MARCHF1: variants seen among roughly 807,000 people sequenced by gnomAD.
MARCHF1 encodes the protein membrane associated ring-CH-type finger 1, also known as E3 ubiquitin-protein ligase MARCHF1.
In MARCHF1, 40 loss-of-function variants were observed where a neutral mutation model predicts 54.2. The ratio of observed to expected loss-of-function variants is 0.74; its 90% CI spans 0.57 to 0.96. The LOEUF (loss-of-function observed/expected upper bound fraction) is 0.96. Among genes scored for constraint, MARCHF1 ranks in the 40% least tolerant of loss-of-function variants. The probability of loss-of-function intolerance (pLI) is 0.00; values close to 1 mark genes in which losing one functional copy is unlikely to be tolerated. For synonymous variants in MARCHF1, 236 were observed against 236.3 expected (o/e 1.00, Z 0.01); for missense variants, 586 against 656.5 (o/e 0.89, Z 1.17).
chr4:163,957,693 T>G (rs1752257665), intron 3 of MARCHF1, among the ~76,000 whole-genome samples: 1 of 151,998 alleles, frequency 6.6e-6, no homozygotes, highest in South Asian at 2.1e-4. Flanking sequence ...TCATGGAATT[T>G]CTCACGCCAA....
intron 4 of MARCHF1, among the ~76,000 whole-genome samples, chr4:163,784,591 G>A (rs760031196): frequency 4.6e-5 from 7 of 151,568 alleles, no homozygotes; most frequent in Non-Finnish European, 8.8e-5. Context: ...CAGTAGATCT[G>A]TTTCTACCTA....
chr4:164,222,141 G>T (rs1342781557), intron 1 of MARCHF1, among the ~76,000 whole-genome samples: 2 of 151,588 alleles, frequency 1.3e-5, no homozygotes, highest in Admixed American at 1.3e-4. Flanking sequence ...CTACTAGGTG[G>T]GTACGCTTTC....
intron 3 of MARCHF1, among the ~76,000 whole-genome samples, chr4:163,931,806 A>G (rs1751683375): frequency 6.6e-6 from 1 of 151,824 alleles, no homozygotes; most frequent in Non-Finnish European, 1.5e-5. Context: ...CTGAACTAAA[A>G]CCTCTCCCTC....
In MARCHF1 at chr4:164,068,842, T is replaced by A. The variant is rs190911909; in HGVS notation, c.-248+42746A>T. Among the ~76,000 whole-genome samples the A allele has an allele frequency of 3.7e-3, 557 of 152,186 alleles. 3 individuals carry two copies. Among genetic ancestry groups the A allele is most frequent in the Middle Eastern group, 0.01 (3 of 294 alleles). Reference sequence around the variant, plus strand: ...CTGAGTCTGGTGGGGACTTGGAGAATCTTTATGTCTAGTTAAGGGATTGTA... The same window carrying A: ...CTGAGTCTGGTGGGGACTTGGAGAAACTTTATGTCTAGTTAAGGGATTGTA... On this transcript the variant is annotated intron_variant, in intron 2 of 9. Coordinates refer to ENST00000514618, the MANE Select transcript of MARCHF1 (RefSeq NM_001394959.1).
intron 3 of MARCHF1, among the ~76,000 whole-genome samples, chr4:163,926,875 CAG>C (rs148454508): frequency 1.7e-3 from 250 of 151,394 alleles, no homozygotes; most frequent in African/African-American, 5.5e-3. Context: ...TTTATTAATT[CAG>C]AGAGTGCTAG....
intron 2 of MARCHF1, among the ~76,000 whole-genome samples, chr4:164,102,074 A>C (rs1385669175): frequency 5.0e-5 from 5 of 100,670 alleles, no homozygotes; most frequent in African/African-American, 2.0e-4. Flanking sequence ...AAAAAGAATA[A>C]AAAGAAATGA....
At position 164,001,059 on chromosome 4, in the gene MARCHF1, T is replaced by C. The variant is rs142554892; in HGVS notation, c.-247-12350A>G. ...CATTTAGACAATATTAAAATTATTATATAAAGCTTTCTGCTTCAGAACAGA... is the reference window on the plus strand; with the variant it reads ...CATTTAGACAATATTAAAATTATTACATAAAGCTTTCTGCTTCAGAACAGA... On this transcript the variant is annotated intron_variant, in intron 2 of 9. Coordinates refer to ENST00000514618, the MANE Select transcript of MARCHF1 (RefSeq NM_001394959.1). Among the ~76,000 whole-genome samples the C allele has an allele frequency of 2.0e-3, 306 of 151,902 alleles. 1 individual carries two copies. The highest frequency in any genetic ancestry group is 7.2e-3 in the African/African-American group (299 of 41,532).
chr4:164,080,377 T>C (rs1261046487), intron 2 of MARCHF1, among the ~76,000 whole-genome samples: 1 of 152,236 alleles, frequency 6.6e-6, no homozygotes, highest in Non-Finnish European at 1.5e-5. Context: ...TTGGGGTGTT[T>C]AGTTATACAT....
At chr4:164,196,748 A>G (rs958499308) in intron 1 of MARCHF1, among the ~76,000 whole-genome samples, 2 of 152,114 alleles carry the variant, frequency 1.3e-5, no homozygotes, top group African/African-American at 4.8e-5. Flanking sequence ...TATCCCAGTT[A>G]ATATTTACAA....
At chr4:163,532,283 C>G (rs781687335) in intron 9 of MARCHF1, among the ~76,000 whole-genome samples, 1 of 151,758 alleles carries the variant, frequency 6.6e-6, no homozygotes, top group Non-Finnish European at 1.5e-5. Context: ...TAGACTGATA[C>G]AAATATAGGA....
intron 1 of MARCHF1, among the ~76,000 whole-genome samples, chr4:164,142,731 G>A (rs999442508): frequency 5.4e-4 from 83 of 152,302 alleles, no homozygotes; most frequent in African/African-American, 2.0e-3. Context: ...AAAAAACACA[G>A]CAGAAAAACT....
chr4:163,740,546 G>A (rs1422314027), intron 4 of MARCHF1, among the ~76,000 whole-genome samples: 1 of 152,180 alleles, frequency 6.6e-6, no homozygotes, highest in Non-Finnish European at 1.5e-5. Context: ...CATTCAGTGG[G>A]TTGTGTAACT....
At chr4:163,882,484 G>A (rs1452928505) in intron 3 of MARCHF1, among the ~76,000 whole-genome samples, 1 of 152,172 alleles carries the variant, frequency 6.6e-6, no homozygotes, top group East Asian at 1.9e-4. Flanking sequence ...GATTACAAAT[G>A]TCTAAATAAT....
intron 4 of MARCHF1, among the ~76,000 whole-genome samples, chr4:163,839,982 C>T (rs1361783526): frequency 1.3e-5 from 2 of 151,672 alleles, no homozygotes; most frequent in African/African-American, 2.4e-5. Flanking sequence ...AGAAATATCA[C>T]AAAAAAAGAG....
intron 2 of MARCHF1, among the ~76,000 whole-genome samples, chr4:164,042,445 G>A (rs890356000): frequency 9.9e-5 from 15 of 152,074 alleles, no homozygotes; most frequent in Non-Finnish European, 4.4e-5. Context: ...AAAGAGGGGA[G>A]GTGCCACAAA....
rs867258736 is a variant in MARCHF1 at position 163,872,837 on chromosome 4, A to G, written c.-38-18668T>C. On this transcript the variant is annotated intron_variant, in intron 3 of 9. Transcript: ENST00000514618. ...AGGCGGGCGGATCATGAGGTCAGGA[A>G]ATCGAGACCATCCTGGCTAACACAG... 7.6e-3 allele frequency among the ~76,000 whole-genome samples: 1,148 copies of G among 151,712 alleles called. 13 individuals carry two copies. The highest frequency in any genetic ancestry group is 0.026 in the African/African-American group (1,072 of 41,422).
At chr4:163,665,010 TA>T (rs764525772) in intron 5 of MARCHF1, among the ~76,000 whole-genome samples, 1 of 152,094 alleles carries the variant, frequency 6.6e-6, no homozygotes, top group African/African-American at 2.4e-5. Context: ...ACAATTTTAA[TA>T]TTTTTTTGGA....
chr4:164,297,695 G>A (rs1337693612), intron 1 of MARCHF1, among the ~76,000 whole-genome samples: 2 of 152,164 alleles, frequency 1.3e-5, no homozygotes, highest in Non-Finnish European at 2.9e-5. Context: ...TAGTAATGCA[G>A]CAAGAATTAA....
chr4:163,751,583 C>T (rs62333009), intron 4 of MARCHF1, among the ~76,000 whole-genome samples: 46,456 of 151,126 alleles, frequency 0.31, 8,631 homozygotes, highest in Non-Finnish European at 0.43. Context: ...TTATACATTA[C>T]CAAAAATTAT....
Sources: gnomAD v4.1 joint callset for allele counts (sites outside exome capture counted in the v4.1 genomes callset) on GRCh38, gnomAD v4.1.1 for gene constraint, MANE v1.5 for transcripts, NCBI Gene and HGNC (gene_info 2026-07-23, HGNC 2026-07-21) for gene names.